Variants in CAST observed in about 807,000 individuals in gnomAD.
CAST encodes the protein calpastatin.
Under a neutral mutation model 119.6 loss-of-function variants are expected in CAST, and 76 were observed. The ratio of observed to expected loss-of-function variants is 0.64; its 90% CI spans 0.53 to 0.77. The LOEUF (loss-of-function observed/expected upper bound fraction) is 0.77, where lower values mean the gene tolerates loss of function less well. Ranked by LOEUF, CAST falls within the 30% of genes least tolerant of loss-of-function variation. The pLI is 0.00. For synonymous variants in CAST, 319 were observed against 331.6 expected (o/e 0.96, Z 0.41); for missense variants, 953 against 946.5 (o/e 1.01, Z -0.09).
At chr5:96,156,407 C>T in the CAST span, among the ~76,000 whole-genome samples, 7 of 152,152 alleles carry the variant, frequency 4.6e-5, no homozygotes, top group African/African-American at 1.4e-4. Context: ...CAGTAGAAAG[C>T]ATCTCTTCTA....
At chr5:96,458,717 A>G in the CAST span, among the ~76,000 whole-genome samples, 2 of 152,078 alleles carry the variant, frequency 1.3e-5, no homozygotes, top group Non-Finnish European at 2.9e-5. Context: ...TTAATCTTTA[A>G]AGTCCTTGAT....
the CAST span, among the ~76,000 whole-genome samples, chr5:96,287,463 CCT>C: frequency 6.6e-6 from 1 of 152,000 alleles, no homozygotes. Context: ...ACCCTTCAGA[CCT>C]ATATTTTTCC....
the CAST span, among the ~76,000 whole-genome samples, chr5:96,116,126 GGTAA>G: frequency 6.6e-6 from 1 of 151,988 alleles, no homozygotes; most frequent in Non-Finnish European, 1.5e-5. Flanking sequence ...TCTGGCTCCA[GGTAA>G]CCATTGATTT....
At chr5:96,401,040 T>C in the CAST span, among the ~76,000 whole-genome samples, 3 of 131,108 alleles carry the variant, frequency 2.3e-5, no homozygotes, top group Non-Finnish European at 4.6e-5. Flanking sequence ...TGAGCCAAGA[T>C]TGTGCCACTG....
At chr5:96,099,442 TATG>T in the CAST span, among the ~76,000 whole-genome samples, 3 of 152,242 alleles carry the variant, frequency 2.0e-5, no homozygotes, top group South Asian at 6.2e-4. Flanking sequence ...GCCTATTCAG[TATG>T]ATATTGGCTG....
At chr5:96,017,814 G>A in the CAST span, among the ~76,000 whole-genome samples, 5 of 152,196 alleles carry the variant, frequency 3.3e-5, no homozygotes, top group Admixed American at 2.0e-4. Context: ...TTGTATAGGT[G>A]CATCAAGATA....
chr5:96,620,099 T>C (rs1747571998), intron 1 of CAST, among the ~76,000 whole-genome samples: 1 of 152,232 alleles, frequency 6.6e-6, no homozygotes. Context: ...CTATTACTGC[T>C]GCTGTTATGA....
the CAST span, among the ~76,000 whole-genome samples, chr5:96,136,354 TG>T: frequency 0.31 from 47,110 of 151,788 alleles, 7,527 homozygotes; most frequent in Middle Eastern, 0.38. Context: ...TCTTTTGTTT[TG>T]TTTTGTTTTG....
At chr5:95,969,341 G>A in the CAST span, among the ~76,000 whole-genome samples, 4 of 152,160 alleles carry the variant, frequency 2.6e-5, no homozygotes, top group Non-Finnish European at 4.4e-5. Flanking sequence ...TATAAGTAAT[G>A]GATTGGAATG....
chr5:96,149,540 G>T, the CAST span, among the ~76,000 whole-genome samples: 213 of 152,202 alleles, frequency 1.4e-3, no homozygotes, highest in Middle Eastern at 3.4e-3. Flanking sequence ...TTTTTCCAAG[G>T]CTGCCCCTGT....
chr5:96,578,093 G>T (rs1746705499), intron 1 of CAST, among the ~76,000 whole-genome samples: 1 of 151,932 alleles, frequency 6.6e-6, no homozygotes, highest in Non-Finnish European at 1.5e-5. Context: ...ATTGGTTCTT[G>T]CCATGTGTAT....
At chr5:96,399,626 A>T in the CAST span, among the ~76,000 whole-genome samples, 6 of 152,166 alleles carry the variant, frequency 3.9e-5, no homozygotes, top group African/African-American at 7.2e-5. Flanking sequence ...GATGCATTTT[A>T]AAAAAATAGT....
the CAST span, among the ~76,000 whole-genome samples, chr5:96,275,498 G>T: frequency 6.6e-6 from 1 of 152,168 alleles, no homozygotes; most frequent in South Asian, 2.1e-4. Context: ...AGAAAGGATG[G>T]ATATTAAATT....
At chr5:96,204,179 A>T in the CAST span, among the ~76,000 whole-genome samples, 2 of 152,070 alleles carry the variant, frequency 1.3e-5, no homozygotes, top group Non-Finnish European at 2.9e-5. Flanking sequence ...AAGTGATATG[A>T]ACCCCAGTCT....
chr5:96,157,443 C>T, the CAST span, among the ~76,000 whole-genome samples: 2 of 152,298 alleles, frequency 1.3e-5, 1 homozygote, highest in South Asian at 4.2e-4. Flanking sequence ...TTGGAAAAAC[C>T]TTTTTTAGAA....
chr5:96,391,242 A>T, the CAST span: 1 of 152,234 alleles, frequency 6.6e-6, no homozygotes, highest in Non-Finnish European at 1.5e-5. Flanking sequence ...ATGGTAGAAG[A>T]GCAGGTGAAA....
the CAST span, among the ~76,000 whole-genome samples, chr5:96,157,631 A>G: frequency 1.3e-5 from 2 of 152,226 alleles, no homozygotes; most frequent in African/African-American, 4.8e-5. Flanking sequence ...TAGCAACGGA[A>G]TTATTCATAA....
chr5:96,336,622 G>A, the CAST span, among the ~76,000 whole-genome samples: 1 of 152,200 alleles, frequency 6.6e-6, no homozygotes, highest in Non-Finnish European at 1.5e-5. Context: ...AACCCACAGT[G>A]TTAAGGCATT....
At chr5:96,278,814 C>T in the CAST span, 2 of 152,222 alleles carry the variant, frequency 1.3e-5, no homozygotes, top group Non-Finnish European at 2.9e-5. Context: ...CATCATGTAT[C>T]ATGCCACACA....
Sources: gnomAD v4.1 joint callset for allele counts (sites outside exome capture counted in the v4.1 genomes callset) on GRCh38, gnomAD v4.1.1 for gene constraint, MANE v1.5 for transcripts, NCBI Gene and HGNC (gene_info 2026-07-23, HGNC 2026-07-21) for gene names.